SLC24A2: variants seen among roughly 807,000 people sequenced by gnomAD.
SLC24A2 encodes the protein solute carrier family 24 member 2, also known as sodium/potassium/calcium exchanger 2.
Under a neutral mutation model 62.0 loss-of-function variants are expected in SLC24A2, and 36 were observed. That is an observed-to-expected ratio of 0.58 (90% CI 0.44 to 0.77). The LOEUF is 0.77. Among genes scored for constraint, SLC24A2 ranks in the 30% least tolerant of loss-of-function variants. The pLI is 0.00. For missense variants in SLC24A2, 846 were observed against 817.9 expected, an observed-to-expected ratio of 1.03 and a Z score of -0.42; for synonymous variants, 358 against 294.0, an observed-to-expected ratio of 1.22 and a Z score of -2.23.
the SLC24A2 span, among the ~76,000 whole-genome samples, chr9:20,130,868 C>A: frequency 1.3e-5 from 2 of 152,128 alleles, no homozygotes; most frequent in South Asian, 2.1e-4. Flanking sequence ...GACTCCTTAC[C>A]CTTTCATTGC....
chr9:19,813,916 C>A, the SLC24A2 span, among the ~76,000 whole-genome samples: 1 of 152,120 alleles, frequency 6.6e-6, no homozygotes, highest in Non-Finnish European at 1.5e-5. Flanking sequence ...TGATCTTGGA[C>A]TTCCCAACCT....
chr9:19,785,331 G>A (rs1042751893), intron 2 of SLC24A2, among the ~76,000 whole-genome samples: 1 of 152,196 alleles, frequency 6.6e-6, no homozygotes. Flanking sequence ...GCAGATGGCA[G>A]GGCTGGCCAA....
At chr9:19,715,754 C>T (rs780395420) in intron 2 of SLC24A2, among the ~76,000 whole-genome samples, 2 of 152,222 alleles carry the variant, frequency 1.3e-5, no homozygotes, top group African/African-American at 2.4e-5. Flanking sequence ...AATTTTTATA[C>T]AGCTGCATTA....
At chr9:20,035,419 G>A in the SLC24A2 span, among the ~76,000 whole-genome samples, 2 of 152,122 alleles carry the variant, frequency 1.3e-5, no homozygotes, top group African/African-American at 2.4e-5. Flanking sequence ...GCCAGTTCCT[G>A]AAAAAAGTGG....
chr9:19,582,209 C>A (rs1836230284), intron 5 of SLC24A2, among the ~76,000 whole-genome samples: 1 of 152,158 alleles, frequency 6.6e-6, no homozygotes, highest in Non-Finnish European at 1.5e-5. Flanking sequence ...TTGACCAGAT[C>A]ATTCTGACAT....
the SLC24A2 span, among the ~76,000 whole-genome samples, chr9:20,011,847 C>T: frequency 1.3e-5 from 2 of 152,134 alleles, no homozygotes; most frequent in Non-Finnish European, 2.9e-5. Context: ...TTACTATGAT[C>T]AAGAGGGATT....
chr9:19,838,693 A>T, the SLC24A2 span, among the ~76,000 whole-genome samples: 1 of 151,406 alleles, frequency 6.6e-6, no homozygotes, highest in Non-Finnish European at 1.5e-5. Flanking sequence ...CAAGTCTTTC[A>T]CCTCTTTGGT....
the SLC24A2 span, among the ~76,000 whole-genome samples, chr9:19,896,253 A>T: frequency 6.6e-6 from 1 of 152,220 alleles, no homozygotes; most frequent in African/African-American, 2.4e-5. Flanking sequence ...GAAACATGTA[A>T]ATAGGATGTA....
chr9:19,766,565 T>C (rs888636873), intron 2 of SLC24A2, among the ~76,000 whole-genome samples: 13 of 152,332 alleles, frequency 8.5e-5, no homozygotes, highest in African/African-American at 2.6e-4. Context: ...CCCTCTTCTG[T>C]AGGTCTGCTG....
intron 2 of SLC24A2, among the ~76,000 whole-genome samples, chr9:19,779,906 CA>C (rs2118923539): frequency 1.3e-5 from 2 of 151,800 alleles, no homozygotes; most frequent in South Asian, 4.2e-4. Flanking sequence ...AAAAAAAGTA[CA>C]GAAAAATTAG....
the SLC24A2 span, among the ~76,000 whole-genome samples, chr9:20,230,888 T>C: frequency 6.6e-6 from 1 of 152,226 alleles, no homozygotes; most frequent in African/African-American, 2.4e-5. Flanking sequence ...AAGTCTTTAA[T>C]CCATCTTCAA....
chr9:20,214,636 A>T, the SLC24A2 span, among the ~76,000 whole-genome samples: 189 of 152,170 alleles, frequency 1.2e-3, no homozygotes, highest in African/African-American at 4.2e-3. Context: ...AAATAAAAAA[A>T]AAAATTGTTA....
At chr9:19,883,130 C>G in the SLC24A2 span, among the ~76,000 whole-genome samples, 8 of 152,206 alleles carry the variant, frequency 5.3e-5, no homozygotes, top group East Asian at 1.5e-3. Flanking sequence ...TTATAGCAAC[C>G]AGGATTTTGT....
At chr9:19,902,517 C>G in the SLC24A2 span, among the ~76,000 whole-genome samples, 4 of 152,158 alleles carry the variant, frequency 2.6e-5, no homozygotes, top group Non-Finnish European at 5.9e-5. Context: ...TCCTCCTCAT[C>G]ATGATCATCA....
intron 2 of SLC24A2, among the ~76,000 whole-genome samples, chr9:19,647,143 C>T (rs1227970696): frequency 6.7e-6 from 1 of 150,176 alleles, no homozygotes; most frequent in Non-Finnish European, 1.5e-5. Context: ...GGTTCATAGC[C>T]TTCTTTGATT....
the SLC24A2 span, among the ~76,000 whole-genome samples, chr9:19,947,462 C>G: frequency 6.9e-6 from 1 of 145,682 alleles, no homozygotes. Flanking sequence ...GAAAGAAAGG[C>G]AGGAAGGCAG....
chr9:19,973,078 CTG>C, the SLC24A2 span, among the ~76,000 whole-genome samples: 5 of 152,182 alleles, frequency 3.3e-5, no homozygotes, highest in Non-Finnish European at 7.4e-5. Context: ...TGGTGTGCGA[CTG>C]TAGTCCCAGC....
the SLC24A2 span, among the ~76,000 whole-genome samples, chr9:19,797,319 G>T: frequency 2.4e-4 from 36 of 152,094 alleles, no homozygotes; most frequent in African/African-American, 8.7e-4. Flanking sequence ...GTAGCTTATT[G>T]TGTATTTTCT....
the SLC24A2 span, among the ~76,000 whole-genome samples, chr9:20,240,357 T>G: frequency 3.0e-4 from 46 of 152,350 alleles, no homozygotes; most frequent in African/African-American, 1.0e-3. Context: ...CCAAGGAAGC[T>G]GGCCCTAAGG....
Sources: gnomAD v4.1 joint callset for allele counts (sites outside exome capture counted in the v4.1 genomes callset) on GRCh38, gnomAD v4.1.1 for gene constraint, MANE v1.5 for transcripts, NCBI Gene and HGNC (gene_info 2026-07-23, HGNC 2026-07-21) for gene names.